The following MARCHF1 variants were observed in gnomAD, a reference collection of about 807,000 sequenced individuals.
MARCHF1 encodes the protein E3 ubiquitin-protein ligase MARCHF1.
MARCHF1 carries 40 observed loss-of-function variants against 54.2 expected under a neutral mutation model. The observed-to-expected ratio is 0.74, with a 90% CI of 0.57 to 0.96. The LOEUF (loss-of-function observed/expected upper bound fraction) is 0.96, where lower values mean the gene tolerates loss of function less well. Ranked by LOEUF, MARCHF1 falls within the 40% of genes least tolerant of loss-of-function variation. The pLI is 0.00. For missense variants in MARCHF1, 586 were observed against 656.5 expected (o/e 0.89, Z 1.17); for synonymous variants, 236 against 236.3 (o/e 1.00, Z 0.01).
chr4:164,195,051 G>A (rs1731217904), intron 1 of MARCHF1, among the ~76,000 whole-genome samples: 1 of 151,712 alleles, frequency 6.6e-6, no homozygotes, highest in African/African-American at 2.4e-5. Context: ...ACTCATGAGT[G>A]AGAACATGTG....
chr4:163,725,022 C>T (rs937386246), intron 4 of MARCHF1, among the ~76,000 whole-genome samples: 4 of 152,102 alleles, frequency 2.6e-5, no homozygotes, highest in African/African-American at 9.7e-5. Flanking sequence ...GTCCTGCCCC[C>T]ACTGTCCAAC....
chr4:164,197,268 G>A, intron 1 of MARCHF1: 2 of 1,611,242 alleles, frequency 1.2e-6, no homozygotes, highest in Non-Finnish European at 1.7e-6. Flanking sequence ...GGGCCTCCTT[G>A]TGGTCCCAGT....
At chr4:163,546,881 T>C (rs1374456056) in intron 8 of MARCHF1, among the ~76,000 whole-genome samples, 2 of 152,218 alleles carry the variant, frequency 1.3e-5, no homozygotes, top group Non-Finnish European at 2.9e-5. Context: ...TTTAATGTCT[T>C]TGTAGCTACA....
intron 5 of MARCHF1, among the ~76,000 whole-genome samples, chr4:163,670,184 G>A (rs1314112838): frequency 6.6e-6 from 1 of 151,934 alleles, no homozygotes; most frequent in Non-Finnish European, 1.5e-5. Flanking sequence ...TATAAAATTA[G>A]GGAAAATCAG....
intron 3 of MARCHF1, among the ~76,000 whole-genome samples, chr4:163,898,295 A>G (rs1750859825): frequency 6.6e-6 from 1 of 152,138 alleles, no homozygotes; most frequent in Non-Finnish European, 1.5e-5. Context: ...TATGCCTCTG[A>G]CAAAGGACTA....
intron 1 of MARCHF1, among the ~76,000 whole-genome samples, chr4:164,300,363 C>A (rs866661459): frequency 3.9e-5 from 6 of 152,070 alleles, no homozygotes; most frequent in Non-Finnish European, 7.4e-5. Flanking sequence ...ACCCAAAGAT[C>A]CCAAAACCTA....
chr4:164,003,274 G>GA (rs978512529), intron 2 of MARCHF1, among the ~76,000 whole-genome samples: 3 of 150,858 alleles, frequency 2.0e-5, no homozygotes, highest in Non-Finnish European at 4.4e-5. Flanking sequence ...TGAAGAAGTA[G>GA]AAAAAAAATA....
chr4:164,162,325 G>A (rs575717330), intron 1 of MARCHF1, among the ~76,000 whole-genome samples: 12 of 152,192 alleles, frequency 7.9e-5, no homozygotes, highest in African/African-American at 2.6e-4. Context: ...GGTGGACATG[G>A]AGACACCAAA....
chr4:163,866,466 T>A (rs867509241), intron 3 of MARCHF1, among the ~76,000 whole-genome samples: 60 of 124,406 alleles, frequency 4.8e-4, no homozygotes, highest in Middle Eastern at 5.2e-3. Flanking sequence ...AAAGCTGTAG[T>A]TATATATATA....
At chr4:163,658,151 T>G (rs59893669) in intron 5 of MARCHF1, among the ~76,000 whole-genome samples, 18,680 of 151,920 alleles carry the variant, frequency 0.12, 1,402 homozygotes, top group East Asian at 0.31. Context: ...TTATAATCTA[T>G]CTATCTGACA....
chr4:163,869,475 C>G (rs1273584764), intron 3 of MARCHF1, among the ~76,000 whole-genome samples: 1 of 152,094 alleles, frequency 6.6e-6, no homozygotes, highest in Non-Finnish European at 1.5e-5. Flanking sequence ...AATTCCAGAA[C>G]AGGTGTAAAA....
In MARCHF1 at chr4:163,528,033, T is replaced by TAA. The variant is rs1553988896; in HGVS notation, c.*713_*714dup. 2.6e-5 allele frequency: 4 copies of TAA among 152,496 alleles called. No individual in the cohort carries two copies. The highest frequency in any genetic ancestry group is 9.7e-5 in the African/African-American group (4 of 41,438). The allele number at this position is 152,496 out of a possible 1,614,324, so 9.4% of individuals were successfully genotyped here. On this transcript the variant is annotated 3_prime_UTR_variant, in exon 10 of 10. Transcript: ENST00000514618. ...TAGAGGAACCAGATGAAAATAAATA[T>TAA]AAGACCTGATAACAGTTCTGTGGGT...
chr4:164,156,361 A>G (rs745715940), intron 1 of MARCHF1, among the ~76,000 whole-genome samples: 18 of 152,200 alleles, frequency 1.2e-4, no homozygotes, highest in Non-Finnish European at 2.1e-4. Flanking sequence ...CTTCAGTAGG[A>G]AAATGGGGGA....
At chr4:164,089,168 C>A (rs757048045) in intron 2 of MARCHF1, among the ~76,000 whole-genome samples, 3 of 151,910 alleles carry the variant, frequency 2.0e-5, no homozygotes, top group African/African-American at 7.3e-5. Flanking sequence ...GTATTTTTCT[C>A]GAGAAAGAAT....
intron 1 of MARCHF1, among the ~76,000 whole-genome samples, chr4:164,243,586 G>A (rs2111219407): frequency 6.6e-6 from 1 of 151,732 alleles, no homozygotes; most frequent in South Asian, 2.1e-4. Flanking sequence ...CATCATGACA[G>A]GATCAAATTC....
chr4:163,804,965 G>C (rs944432215), intron 4 of MARCHF1, among the ~76,000 whole-genome samples: 1 of 152,090 alleles, frequency 6.6e-6, no homozygotes, highest in African/African-American at 2.4e-5. Flanking sequence ...CTACAATAAA[G>C]TTATGTACTC....
intron 2 of MARCHF1, among the ~76,000 whole-genome samples, chr4:164,087,736 C>T (rs1300084137): frequency 6.6e-6 from 1 of 152,036 alleles, no homozygotes; most frequent in African/African-American, 2.4e-5. Flanking sequence ...ATAGACAAAA[C>T]AGCCCTCTTG....
intron 8 of MARCHF1, among the ~76,000 whole-genome samples, chr4:163,583,101 TACACAGA>T (rs1740282309): frequency 6.6e-6 from 1 of 152,100 alleles, no homozygotes; most frequent in South Asian, 2.1e-4. Context: ...GCCACAGAGG[TACACAGA>T]TGAGTGGAGA....
intron 2 of MARCHF1, among the ~76,000 whole-genome samples, chr4:164,007,666 G>A (rs1431746147): frequency 6.6e-6 from 1 of 151,252 alleles, no homozygotes; most frequent in Non-Finnish European, 1.5e-5. Flanking sequence ...GTGTGTGTGT[G>A]TGTGTGTGTG....
Sources: allele counts gnomAD v4.1 joint callset (sites outside exome capture counted in the v4.1 genomes callset), GRCh38; gene constraint gnomAD v4.1.1; transcripts MANE v1.5; gene names NCBI Gene and HGNC (gene_info 2026-07-23, HGNC 2026-07-21).